PLCZ1: variants seen among roughly 807,000 people sequenced by gnomAD.
The protein encoded by PLCZ1 is phospholipase C zeta 1, also known as 1-phosphatidylinositol 4,5-bisphosphate phosphodiesterase zeta-1.
In PLCZ1, 64 loss-of-function variants were observed where a neutral mutation model predicts 76.8. The observed-to-expected ratio is 0.83, with a 90% CI of 0.68 to 1.03. The LOEUF is 1.03. PLCZ1 is among the 50% of genes least tolerant of loss of function. The pLI, the probability that PLCZ1 is intolerant of heterozygous loss-of-function variation, is 0.00. For synonymous variants in PLCZ1, 248 were observed against 230.8 expected (o/e 1.07, Z -0.68); for missense variants, 751 against 713.7 (o/e 1.05, Z -0.60).
intron 6 of PLCZ1, 66 bp downstream of exon 6, chr12:18,712,776 T>C (rs1345148887): frequency 1.9e-6 from 3 of 1,563,796 alleles, no homozygotes; most frequent in Admixed American, 1.7e-5. Flanking sequence ...TTATAGGATT[T>C]TGAAGCAAGT....
chr12:18,660,407 C>T, the PLCZ1 span, among the ~76,000 whole-genome samples: 1 of 152,236 alleles, frequency 6.6e-6, no homozygotes, highest in African/African-American at 2.4e-5. Flanking sequence ...CAAGCCCTTC[C>T]CTCTCCAGCT....
At chr12:18,717,212 C>T (rs899237170) in intron 5 of PLCZ1, among the ~76,000 whole-genome samples, 3 of 151,762 alleles carry the variant, frequency 2.0e-5, no homozygotes, top group Non-Finnish European at 2.9e-5. Context: ...AATATAACTG[C>T]TTTAATATTT....
the PLCZ1 span, among the ~76,000 whole-genome samples, chr12:18,662,257 CTGCAACA>C: frequency 2.0e-5 from 3 of 151,966 alleles, no homozygotes; most frequent in Non-Finnish European, 2.9e-5. Context: ...CATCAAACCC[CTGCAACA>C]TGCAACTTAC....
At chr12:18,658,112 A>G in the PLCZ1 span, among the ~76,000 whole-genome samples, 1 of 152,186 alleles carries the variant, frequency 6.6e-6, no homozygotes, top group Admixed American at 6.5e-5. Flanking sequence ...AAGAATTAGC[A>G]AACTTGAAAG....
intron 4 of PLCZ1, among the ~76,000 whole-genome samples, chr12:18,722,036 A>C (rs1220261032): frequency 1.3e-5 from 2 of 151,978 alleles, no homozygotes; most frequent in East Asian, 3.9e-4. Flanking sequence ...CTGTTCCTTC[A>C]GTTATTCAAT....
chr12:18,685,845 C>T (rs976742503), intron 13 of PLCZ1, among the ~76,000 whole-genome samples: 2 of 34,604 alleles, frequency 5.8e-5, no homozygotes, highest in African/African-American at 1.1e-4. Flanking sequence ...CACACACACG[C>T]GCACACACAC....
intron 5 of PLCZ1, among the ~76,000 whole-genome samples, chr12:18,714,102 A>C (rs1223959082): frequency 6.6e-6 from 1 of 152,242 alleles, no homozygotes; most frequent in Non-Finnish European, 1.5e-5. Flanking sequence ...GTATGCCATC[A>C]TGAAATAGGT....
intron 13 of PLCZ1, among the ~76,000 whole-genome samples, chr12:18,686,639 C>T (rs1218930572): frequency 6.6e-6 from 1 of 152,034 alleles, no homozygotes; most frequent in Non-Finnish European, 1.5e-5. Context: ...GAACCATCTC[C>T]AAAAGTGCCC....
intron 10 of PLCZ1, 56 bp from the exon 11 acceptor site, chr12:18,696,322 CTATATATATATATATA>C (rs71440372): frequency 2.6e-5 from 7 of 267,848 alleles, no homozygotes; most frequent in African/African-American, 1.2e-4. Flanking sequence ...TAAAAAGCCA[CTATATATATATATATA>C]TATATATATA....
Position 18,699,786 on chromosome 12 carries a change from A to T in PLCZ1, c.1174+8T>A. 6.2e-7 allele frequency: 1 copy of T among 1,612,518 alleles called. No homozygotes were observed. On this transcript the variant is annotated splice_region_variant and intron_variant, in intron 10 of 14. Coordinates refer to ENST00000266505, the MANE Select transcript of PLCZ1 (RefSeq NM_033123.4). ...AACATTTCATCTATTTGAGTCACAA[A>T]AATTTACCTCGCAATTTTGAAAGTT...
At chr12:18,663,906 G>A in the PLCZ1 span, among the ~76,000 whole-genome samples, 29 of 152,160 alleles carry the variant, frequency 1.9e-4, 1 homozygote, top group Admixed American at 1.4e-3. Context: ...ATAACCAATA[G>A]CCAAACAACC....
chr12:18,718,734 T>C (rs1001534208), intron 5 of PLCZ1, among the ~76,000 whole-genome samples: 3 of 152,186 alleles, frequency 2.0e-5, no homozygotes, highest in African/African-American at 7.2e-5. Flanking sequence ...TAGTTCATCT[T>C]CCCTGTATGA....
chr12:18,726,326 GT>G (rs2150737526), intron 3 of PLCZ1, among the ~76,000 whole-genome samples: 1 of 152,150 alleles, frequency 6.6e-6, no homozygotes, highest in South Asian at 2.1e-4. Flanking sequence ...TTTGTCTCCT[GT>G]TTAAAAAACG....
At chr12:18,695,164 G>A in intron 11 of PLCZ1, 85 bp from the exon 12 acceptor site, 1 of 1,306,658 alleles carries the variant, frequency 7.7e-7, no homozygotes, top group Middle Eastern at 2.2e-4. Context: ...ATCTAATAAT[G>A]GATTCTATGT....
rs900585768 is a variant in PLCZ1 at position 18,683,692 on chromosome 12, G to C, written c.1742-368C>G. On this transcript the variant is annotated intron_variant, in intron 14 of 14. Coordinates refer to ENST00000266505, the MANE Select transcript of PLCZ1 (RefSeq NM_033123.4). ...TGGGAGCACAGTGTAAATCACCCTG[G>C]AAAGGTGACTCTGCAACATAAAGGT... The C allele has an allele frequency of 3.4e-5, 39 of 1,157,000 alleles. No individual in the cohort carries two copies. In the East Asian group the frequency reaches 1.9e-3, roughly 56 times the overall value. 71.7% of individuals were successfully genotyped at this position (1,157,000 alleles called of 1,614,324 possible). A position where few individuals can be genotyped will look rare whatever the true frequency, so the allele number is the denominator to read the frequency against.
rs757728867 is a variant in PLCZ1 at position 18,695,105 on chromosome 12, T to G, written c.1292-26A>C. On this transcript the variant is annotated intron_variant, in intron 11 of 14. Coordinates refer to ENST00000266505, the MANE Select transcript of PLCZ1 (RefSeq NM_033123.4). ...CTGTAAGAAAGAAGTATTTTGACAT[T>G]GTCAGGTAATAGAGAATACAAATAA... 1.9e-6 allele frequency: 3 copies of G among 1,597,366 alleles called. No individual in the cohort carries two copies. The South Asian group carries it at 3.3e-5, about 18-fold the overall frequency.
intron 6 of PLCZ1, among the ~76,000 whole-genome samples, chr12:18,707,183 C>A (rs895544346): frequency 3.9e-5 from 6 of 152,210 alleles, no homozygotes; most frequent in South Asian, 2.1e-4. Context: ...TACAAAGACA[C>A]TTTTTCCAAA....
chr12:18,650,726 A>ATATATATC, the PLCZ1 span, among the ~76,000 whole-genome samples: 1 of 21,534 alleles, frequency 4.6e-5, no homozygotes, highest in South Asian at 1.1e-3. Flanking sequence ...ATATATATAT[A>ATATATATC]TATATATATA....
the PLCZ1 span, chr12:18,647,847 T>A: frequency 7.2e-7 from 1 of 1,390,762 alleles, no homozygotes; most frequent in Non-Finnish European, 9.6e-7. Flanking sequence ...ATTTCTGATT[T>A]ATATTTTCAT....
Sources: gnomAD v4.1 joint callset for allele counts (sites outside exome capture counted in the v4.1 genomes callset) on GRCh38, gnomAD v4.1.1 for gene constraint, MANE v1.5 for transcripts, NCBI Gene and HGNC (gene_info 2026-07-23, HGNC 2026-07-21) for gene names.